Variants in LRMDA observed in about 807,000 individuals in gnomAD.
LRMDA encodes the protein leucine rich melanocyte differentiation associated.
LRMDA carries 18 observed loss-of-function variants against 29.8 expected under a neutral mutation model. The ratio of observed to expected loss-of-function variants is 0.60; its 90% CI spans 0.42 to 0.90. The LOEUF (loss-of-function observed/expected upper bound fraction) is 0.90. Among genes scored for constraint, LRMDA ranks in the 40% least tolerant of loss-of-function variants. The pLI, the probability that LRMDA is intolerant of heterozygous loss-of-function variation, is 0.00. For synonymous variants in LRMDA, 125 were observed against 109.4 expected (o/e 1.14, Z -0.89); for missense variants, 273 against 273.9 (o/e 1.00, Z 0.02).
At chr10:75,616,249 T>TAGCAGCAGCAGCAGCAGCAGCAGCAGC (rs58265820) in intron 2 of LRMDA, among the ~76,000 whole-genome samples, 3 of 150,300 alleles carry the variant, frequency 2.0e-5, no homozygotes, top group African/African-American at 5.0e-5. Flanking sequence ...GTAGCAGCAG[T>TAGCAGCAGCAGCAGCAGCAGCAGCAGC]AGCAGCAGCA....
chr10:75,959,752 A>G (rs1246649284), intron 2 of LRMDA, among the ~76,000 whole-genome samples: 3 of 152,206 alleles, frequency 2.0e-5, no homozygotes, highest in Non-Finnish European at 4.4e-5. Context: ...TATGTGAATG[A>G]CTAATATCAT....
intron 6 of LRMDA, among the ~76,000 whole-genome samples, chr10:76,544,744 ACAC>A (rs1158725220): frequency 7.8e-6 from 1 of 127,608 alleles, no homozygotes; most frequent in Non-Finnish European, 1.7e-5. Flanking sequence ...ACACACACAC[ACAC>A]ACACACAGCT....
intron 6 of LRMDA, among the ~76,000 whole-genome samples, chr10:76,386,553 G>A (rs1841662116): frequency 6.6e-6 from 1 of 152,104 alleles, no homozygotes; most frequent in Non-Finnish European, 1.5e-5. Context: ...CTTGATCTTG[G>A]TGGAGGAACA....
At chr10:76,224,690 T>TTTTA (rs1554856519) in intron 5 of LRMDA, among the ~76,000 whole-genome samples, 1 of 144,364 alleles carries the variant, frequency 6.9e-6, no homozygotes, top group South Asian at 2.2e-4. Flanking sequence ...TTTTTTTTTT[T>TTTTA]ACCGGACAAA....
chr10:75,890,868 G>A (rs1214167675), intron 2 of LRMDA, among the ~76,000 whole-genome samples: 4 of 151,818 alleles, frequency 2.6e-5, no homozygotes, highest in Non-Finnish European at 2.9e-5. Flanking sequence ...ACTTTGGGAG[G>A]CTGAGGTGGG....
At chr10:75,940,603 G>A (rs143826797) in intron 2 of LRMDA, among the ~76,000 whole-genome samples, 1,758 of 152,162 alleles carry the variant, frequency 0.012, 13 homozygotes, top group South Asian at 0.017. Flanking sequence ...GTAGCTTTGC[G>A]TCCCATCTCA....
At chr10:75,640,968 C>G (rs988056801) in intron 2 of LRMDA, among the ~76,000 whole-genome samples, 3 of 152,160 alleles carry the variant, frequency 2.0e-5, no homozygotes, top group Non-Finnish European at 4.4e-5. Flanking sequence ...TGCACTCCAC[C>G]TGTGATTGCA....
chr10:76,421,548 C>CA (rs1842071792), intron 6 of LRMDA, among the ~76,000 whole-genome samples: 1 of 152,162 alleles, frequency 6.6e-6, no homozygotes, highest in Admixed American at 6.5e-5. Context: ...TTCCTTGTGA[C>CA]ACAGCCGCCC....
intron 6 of LRMDA, among the ~76,000 whole-genome samples, chr10:76,526,585 T>C (rs1843176693): frequency 6.6e-6 from 1 of 152,078 alleles, no homozygotes. Context: ...GAAGGCAGGA[T>C]AAAAGGGAGC....
chr10:75,867,461 A>G (rs1250383286), intron 2 of LRMDA, among the ~76,000 whole-genome samples: 1 of 152,146 alleles, frequency 6.6e-6, no homozygotes, highest in Non-Finnish European at 1.5e-5. Context: ...GCACCCAGCC[A>G]TGATACAGAT....
At chr10:76,202,928 T>C (rs1341483930) in intron 5 of LRMDA, among the ~76,000 whole-genome samples, 1 of 152,190 alleles carries the variant, frequency 6.6e-6, no homozygotes, top group East Asian at 1.9e-4. Flanking sequence ...CAACACTAAA[T>C]GGCAAGGCAT....
intron 5 of LRMDA, among the ~76,000 whole-genome samples, chr10:76,233,999 A>G (rs953575730): frequency 2.6e-5 from 4 of 152,234 alleles, no homozygotes; most frequent in Non-Finnish European, 4.4e-5. Flanking sequence ...AACATCTAGA[A>G]TGGTGAATCC....
intron 5 of LRMDA, among the ~76,000 whole-genome samples, chr10:76,183,695 A>G (rs926853516): frequency 5.9e-5 from 9 of 152,230 alleles, no homozygotes; most frequent in African/African-American, 2.2e-4. Flanking sequence ...CATTTGAATA[A>G]GGAATCAAAT....
At chr10:75,642,993 A>C (rs1171467556) in intron 2 of LRMDA, 1 of 152,244 alleles carries the variant, frequency 6.6e-6, no homozygotes. Context: ...GGAAGGACTC[A>C]AAGACTGAAG....
intron 6 of LRMDA, among the ~76,000 whole-genome samples, chr10:76,508,166 C>G (rs1842977164): frequency 6.6e-6 from 1 of 152,114 alleles, no homozygotes; most frequent in Admixed American, 6.5e-5. Context: ...GTGGTGATAC[C>G]AGCTTTGATC....
At chr10:75,829,660 T>G (rs964307701) in intron 2 of LRMDA, among the ~76,000 whole-genome samples, 5 of 152,070 alleles carry the variant, frequency 3.3e-5, no homozygotes, top group African/African-American at 2.4e-5. Flanking sequence ...ATCTTAGGTT[T>G]GAAGGAAGAT....
chr10:75,700,437 CT>C (rs1156446140), intron 2 of LRMDA, among the ~76,000 whole-genome samples: 2,071 of 135,634 alleles, frequency 0.015, 61 homozygotes, highest in Admixed American at 0.094. Context: ...CTTTCTCATT[CT>C]TTTTTTTTTT....
chr10:75,962,998 A>G (rs575956679), intron 2 of LRMDA, among the ~76,000 whole-genome samples: 1 of 152,202 alleles, frequency 6.6e-6, no homozygotes, highest in African/African-American at 2.4e-5. Context: ...GGGAAGACCA[A>G]TTAGGGAATT....
At chr10:76,222,636 G>T (rs948852519) in intron 5 of LRMDA, among the ~76,000 whole-genome samples, 54 of 152,322 alleles carry the variant, frequency 3.5e-4, no homozygotes, top group African/African-American at 1.3e-3. Context: ...TAGAGAGGAT[G>T]TGGAGAAATA....
Sources: gnomAD v4.1 joint callset for allele counts (sites outside exome capture counted in the v4.1 genomes callset) on GRCh38, gnomAD v4.1.1 for gene constraint, MANE v1.5 for transcripts, NCBI Gene and HGNC (gene_info 2026-07-23, HGNC 2026-07-21) for gene names.